The following FOXN1 variants were observed in gnomAD, a reference collection of about 807,000 sequenced individuals.
FOXN1 encodes the protein forkhead box protein N1.
Under a neutral mutation model 49.0 loss-of-function variants are expected in FOXN1, and 15 were observed. That is an observed-to-expected ratio of 0.31 (90% CI 0.20 to 0.47). The LOEUF (loss-of-function observed/expected upper bound fraction) is 0.47, where lower values mean the gene tolerates loss of function less well. FOXN1 is among the 20% of genes least tolerant of loss of function. The pLI is 1.00. For synonymous variants in FOXN1, 356 were observed against 369.0 expected, an observed-to-expected ratio of 0.96 and a Z score of 0.40; for missense variants, 800 against 842.8, an observed-to-expected ratio of 0.95 and a Z score of 0.63.
chr17:28,531,249 T>G (rs2069906444), intron 6 of FOXN1, among the ~76,000 whole-genome samples: 1 of 152,126 alleles, frequency 6.6e-6, no homozygotes, highest in African/African-American at 2.4e-5. Context: ...CCACGGTGAC[T>G]GGGAGGTCGG....
chr17:28,535,237 G>A, intron 8 of FOXN1, 39 bp downstream of exon 8: 2 of 1,604,864 alleles, frequency 1.2e-6, no homozygotes, highest in Non-Finnish European at 1.7e-6. Flanking sequence ...GGACAGGACT[G>A]GAGAGGAGCA....
intron 1 of FOXN1, among the ~76,000 whole-genome samples, chr17:28,509,778 A>T (rs529311539): frequency 6.6e-6 from 1 of 152,240 alleles, no homozygotes. Flanking sequence ...TAGAGCCCCA[A>T]AGCGGGGCCG....
At chr17:28,512,821 C>A (rs2069420426) in intron 1 of FOXN1, among the ~76,000 whole-genome samples, 1 of 152,100 alleles carries the variant, frequency 6.6e-6, no homozygotes, top group Non-Finnish European at 1.5e-5. Flanking sequence ...GGAGGCAGAC[C>A]ATGAATGACA....
chr17:28,524,366 A>G lies in FOXN1; in HGVS notation c.124-137A>G, dbSNP rs1238603414. 5 of 831,690 alleles carry G rather than the reference A, an allele frequency of 6.0e-6. No individual in the cohort carries two copies. The Middle Eastern group carries it at 9.3e-4, about 155-fold the overall frequency. 51.5% of individuals were successfully genotyped at this position (831,690 alleles called of 1,614,324 possible). On this transcript the variant is annotated intron_variant, in intron 2 of 8. Coordinates refer to ENST00000579795, the MANE Select transcript of FOXN1 (RefSeq NM_001369369.1). ...ATGAAATCGGGGCCAAGGGTAGGCTATTTCTTCTCCACCATTTAGGGTCTT... is the reference window on the plus strand; with the variant it reads ...ATGAAATCGGGGCCAAGGGTAGGCTGTTTCTTCTCCACCATTTAGGGTCTT...
chr17:28,529,275 C>G, intron 5 of FOXN1, 51 bp downstream of exon 5: 1 of 1,606,484 alleles, frequency 6.2e-7, no homozygotes, highest in Non-Finnish European at 8.5e-7. Flanking sequence ...TGAGAGGGCC[C>G]CTGGGAACAC....
intron 3 of FOXN1, among the ~76,000 whole-genome samples, chr17:28,525,492 TC>T (rs2151488237): frequency 6.6e-6 from 1 of 152,266 alleles, no homozygotes; most frequent in South Asian, 2.1e-4. Flanking sequence ...AACATGTCCT[TC>T]CATAGCCTGA....
intron 1 of FOXN1, among the ~76,000 whole-genome samples, chr17:28,507,341 T>G (rs1555606282): frequency 6.6e-6 from 1 of 152,180 alleles, no homozygotes; most frequent in African/African-American, 2.4e-5. Flanking sequence ...GCCCGTTGGA[T>G]GAAGAGTAGA....
intron 1 of FOXN1, among the ~76,000 whole-genome samples, chr17:28,510,016 G>T (rs1407554631): frequency 6.6e-6 from 1 of 152,182 alleles, no homozygotes; most frequent in East Asian, 1.9e-4. Flanking sequence ...TGGAGAGCCA[G>T]CTGTGAGTCA....
Position 28,524,932 on chromosome 17 carries a change from C to T in FOXN1, c.553C>T (p.Pro185Ser), listed in dbSNP as rs1313375033. The T allele has an allele frequency of 4.3e-6, 7 of 1,612,212 alleles. No individual in the cohort carries two copies. Among genetic ancestry groups the T allele is most frequent in the Non-Finnish European group, 5.9e-6 (7 of 1,180,002 alleles). Residue 185 changes from proline to serine, a missense_variant, in exon 3 of 9, where the codon CCC becomes TCC. Pro to Ser is a moderately conservative substitution (Grantham distance 74). This residue lies in a region of FOXN1 where 383 missense variants were observed against 357.9 expected (regional missense o/e 1.07). Coordinates refer to ENST00000579795, the MANE Select transcript of FOXN1 (RefSeq NM_001369369.1). ...AGCAGAGGCCTGGTGTAACGGGCTC[C>T]CCTACCCCAGCCAGGAGCATGGCCC... ...FSAEAWCNGL[P>S]YPSQEHGPQV...
intron 5 of FOXN1, among the ~76,000 whole-genome samples, chr17:28,530,478 G>A (rs553587945): frequency 6.6e-6 from 1 of 152,326 alleles, no homozygotes; most frequent in East Asian, 1.9e-4. Flanking sequence ...CAAAGTTGAG[G>A]AAACTGAGGT....
At chr17:28,509,226 C>T (rs529349256) in intron 1 of FOXN1, among the ~76,000 whole-genome samples, 1 of 152,100 alleles carries the variant, frequency 6.6e-6, no homozygotes, top group East Asian at 1.9e-4. Context: ...CAACTCCAAC[C>T]TCATCCCTGA....
Position 28,529,137 on chromosome 17 carries a change from C to G in FOXN1, c.743C>G (p.Ser248Cys). 6.2e-7 allele frequency: 1 copy of G among 1,614,162 alleles called. No homozygotes were observed. The highest frequency in any genetic ancestry group is 8.5e-7 in the Non-Finnish European group (1 of 1,180,018). The stretch of plus-strand genomic sequence containing the variant: ...AGCTACCCCATACCCTACCTGGGCT[C>G]CTCACACTATCAGTACCAGCGAATG... ...GGSYPIPYLG[S>C]SHYQYQRMAP... is the part of the protein sequence containing the mutation. Residue 248 changes from serine (S) to cysteine (C), a missense_variant, in exon 5 of 9, where the codon TCC (serine) becomes TGC (cysteine). Ser to Cys is a moderately radical substitution (Grantham distance 112). Transcript: ENST00000579795.
At chr17:28,520,743 C>T (rs1210450591) in intron 1 of FOXN1, among the ~76,000 whole-genome samples, 1 of 152,142 alleles carries the variant, frequency 6.6e-6, no homozygotes, top group African/African-American at 2.4e-5. Context: ...GGGGTGAGGC[C>T]GACACTGCGG....
chr17:28,522,284 T>G (rs761076042), intron 1 of FOXN1, among the ~76,000 whole-genome samples: 2 of 152,194 alleles, frequency 1.3e-5, no homozygotes, highest in Non-Finnish European at 1.5e-5. Context: ...AGAGGCCACT[T>G]GGGCAAAGAG....
chr17:28,515,978 T>C (rs1273722351), intron 1 of FOXN1, among the ~76,000 whole-genome samples: 1 of 151,098 alleles, frequency 6.6e-6, no homozygotes, highest in Non-Finnish European at 1.5e-5. Context: ...AGTATACACA[T>C]TTCCACAGGG....
At chr17:28,518,966 T>G (rs777892858) in intron 1 of FOXN1, among the ~76,000 whole-genome samples, 14 of 152,196 alleles carry the variant, frequency 9.2e-5, no homozygotes, top group South Asian at 4.1e-4. Flanking sequence ...TAAATCATAA[T>G]GTTTAAAAAG....
chr17:28,516,794 A>G (rs2069515471), intron 1 of FOXN1, among the ~76,000 whole-genome samples: 1 of 95,664 alleles, frequency 1.0e-5, no homozygotes, highest in African/African-American at 3.5e-5. Flanking sequence ...AAGGGTACAC[A>G]TCTCCACAGG....
At chr17:28,524,413 C>A (rs1406544706) in intron 2 of FOXN1, 90 bp from the exon 3 acceptor site, 5 of 1,151,842 alleles carry the variant, frequency 4.3e-6, no homozygotes, top group Non-Finnish European at 6.6e-6. Flanking sequence ...GCCATAGACC[C>A]CCTTTACCCC....
At chr17:28,506,622 C>T (rs1315769019) in intron 1 of FOXN1, among the ~76,000 whole-genome samples, 179 bp downstream of exon 1, 6 of 152,224 alleles carry the variant, frequency 3.9e-5, no homozygotes, top group African/African-American at 1.4e-4. Flanking sequence ...GGCACCCCTT[C>T]CCCCACCTCC....
Sources: gnomAD v4.1 joint callset for allele counts (sites outside exome capture counted in the v4.1 genomes callset) on GRCh38, gnomAD v4.1.1 for gene constraint, gnomAD v4.1.1 regional missense constraint, MANE v1.5 for transcripts, NCBI Gene and HGNC (gene_info 2026-07-23, HGNC 2026-07-21) for gene names.